The following FAM107B variants were observed in gnomAD, a reference collection of about 807,000 sequenced individuals.
The protein encoded by FAM107B is protein FAM107B.
Under a neutral mutation model 31.5 loss-of-function variants are expected in FAM107B, and 21 were observed. The ratio of observed to expected loss-of-function variants is 0.67; its 90% confidence interval spans 0.47 to 0.96. The LOEUF (loss-of-function observed/expected upper bound fraction) is 0.96, where lower values mean the gene tolerates loss of function less well. Ranked by LOEUF, FAM107B falls within the 40% of genes least tolerant of loss-of-function variation. The pLI, the probability that FAM107B is intolerant of heterozygous loss-of-function variation, is 0.00. For missense variants in FAM107B, 452 were observed against 377.1 expected (o/e 1.20, Z -1.64); for synonymous variants, 157 against 141.5 (o/e 1.11, Z -0.78).
intron 1 of FAM107B, chr10:14,723,649 T>C (rs905115705): frequency 2.7e-6 from 2 of 733,596 alleles, no homozygotes; most frequent in African/African-American, 3.4e-5. Flanking sequence ...ATAGGATTAC[T>C]CTGCGAGAGG....
chr10:14,770,384 G>A (rs991270566), intron 1 of FAM107B, among the ~76,000 whole-genome samples: 7 of 152,158 alleles, frequency 4.6e-5, no homozygotes, highest in South Asian at 2.1e-4. Context: ...TTAGCCAGGC[G>A]TGGTGGCTGG....
chr10:14,637,964 C>T (rs1853545476), intron 2 of FAM107B, among the ~76,000 whole-genome samples: 1 of 152,168 alleles, frequency 6.6e-6, no homozygotes, highest in South Asian at 2.1e-4. Flanking sequence ...GACAACCTAG[C>T]CACGCCATGC....
chr10:14,750,741 G>A (rs12242339), intron 1 of FAM107B, among the ~76,000 whole-genome samples: 5,480 of 152,272 alleles, frequency 0.036, 341 homozygotes, highest in African/African-American at 0.12. Context: ...GAGCCTAGGA[G>A]TTTGAGACCA....
rs1442653536 is a variant in FAM107B, at chr10:14,518,866, T to C, written c.*2324A>G. 3 of 152,618 alleles carry C rather than the reference T, an allele frequency of 2.0e-5. No individual in the cohort carries two copies. The highest frequency in any genetic ancestry group is 3.9e-4 in the East Asian group (2 of 5,194). 9.5% of individuals were successfully genotyped at this position (152,618 alleles called of 1,614,324 possible). ...CGCTGTGGAAAAATGGAGCCATTTT[T>C]GTCAAAAAGTGGCTCAAAGCACAAA... On this transcript the variant is annotated 3_prime_UTR_variant, in exon 5 of 5. Transcript: ENST00000181796.
At chr10:14,743,549 T>C (rs766781079) in intron 1 of FAM107B, among the ~76,000 whole-genome samples, 8 of 152,202 alleles carry the variant, frequency 5.3e-5, no homozygotes, top group Non-Finnish European at 1.2e-4. Flanking sequence ...AGGAAGGGGA[T>C]CCAGTTTCAA....
intron 1 of FAM107B, among the ~76,000 whole-genome samples, chr10:14,773,202 AG>A (rs1177663565): frequency 9.9e-5 from 15 of 152,252 alleles, no homozygotes; most frequent in African/African-American, 3.4e-4. Context: ...CCCAAGCTTC[AG>A]TCATTTCATA....
rs374746408 is a variant in FAM107B at position 14,642,547 on chromosome 10, C to T, written c.469+25087G>A. ...ATGTCTCTATCCCCTTCGGTTCAAA[C>T]TGGCAGTGTTTCTGCTCATATAACC... On this transcript the variant is annotated intron_variant, in intron 2 of 4. Transcript: ENST00000181796. Among the ~76,000 whole-genome samples the T allele has an allele frequency of 5.3e-5, 8 of 152,212 alleles. No homozygotes were observed. The East Asian group carries it at 5.8e-4, about 11-fold the overall frequency.
intron 1 of FAM107B, among the ~76,000 whole-genome samples, chr10:14,716,028 T>C (rs909412277): frequency 2.0e-5 from 3 of 152,196 alleles, no homozygotes; most frequent in Non-Finnish European, 2.9e-5. Context: ...GAAATAGATA[T>C]ATAGAATATA....
At chr10:14,629,461 A>ATATTTAATATATATAACATATAT (rs1853288019) in intron 2 of FAM107B, among the ~76,000 whole-genome samples, 1 of 67,454 alleles carries the variant, frequency 1.5e-5, no homozygotes, top group African/African-American at 6.1e-5. Flanking sequence ...TATATATTAT[A>ATATTTAATATATATAACATATAT]TATATATTTA....
At chr10:14,743,410 A>G (rs922384922) in intron 1 of FAM107B, among the ~76,000 whole-genome samples, 2 of 152,010 alleles carry the variant, frequency 1.3e-5, no homozygotes, top group Non-Finnish European at 2.9e-5. Flanking sequence ...TGATGTTTTC[A>G]TCATGAAATC....
At chr10:14,723,608 T>C in intron 1 of FAM107B, 1 of 691,262 alleles carries the variant, frequency 1.4e-6, no homozygotes, top group South Asian at 1.5e-5. Context: ...GGGGAATCTG[T>C]GTGACACAGA....
chr10:14,594,763 A>G (rs1852132571), intron 2 of FAM107B, among the ~76,000 whole-genome samples: 1 of 152,162 alleles, frequency 6.6e-6, no homozygotes, highest in African/African-American at 2.4e-5. Context: ...TGGTGCCTCT[A>G]CAACTGATTT....
chr10:14,685,417 T>A (rs1484089167), intron 1 of FAM107B, among the ~76,000 whole-genome samples: 3 of 152,086 alleles, frequency 2.0e-5, no homozygotes, highest in African/African-American at 4.8e-5. Context: ...CCTCCAAAAG[T>A]GCTAGGATTA....
chr10:14,767,055 T>TATATATATATATATATATATAGAGAG (rs1440609298), intron 1 of FAM107B, among the ~76,000 whole-genome samples: 2 of 18,280 alleles, frequency 1.1e-4, no homozygotes, highest in Non-Finnish European at 2.2e-4. Flanking sequence ...TATATATATA[T>TATATATATATATATATATATAGAGAG]AGAGAGAGAG....
intron 2 of FAM107B, among the ~76,000 whole-genome samples, chr10:14,648,943 T>C (rs1043099848): frequency 7.2e-5 from 11 of 152,134 alleles, no homozygotes; most frequent in African/African-American, 2.7e-4. Flanking sequence ...CAAACGAGGA[T>C]GAGGTTTGTC....
chr10:14,649,845 GT>G (rs1218805201), intron 2 of FAM107B, among the ~76,000 whole-genome samples: 1 of 152,300 alleles, frequency 6.6e-6, no homozygotes, highest in Non-Finnish European at 1.5e-5. Flanking sequence ...TTTTTATAGA[GT>G]TTGACTCTTT....
chr10:14,708,479 G>T (rs1855569310), intron 1 of FAM107B, among the ~76,000 whole-genome samples: 1 of 152,078 alleles, frequency 6.6e-6, no homozygotes, highest in South Asian at 2.1e-4. Context: ...ACATGACAGG[G>T]TATTTCCTAC....
intron 2 of FAM107B, among the ~76,000 whole-genome samples, chr10:14,626,818 A>G (rs1588667214): frequency 6.6e-6 from 1 of 152,272 alleles, no homozygotes; most frequent in East Asian, 1.9e-4. Context: ...GACTCCGTGT[A>G]TCTCAGCAAA....
At chr10:14,769,875 T>G (rs895702122) in intron 1 of FAM107B, among the ~76,000 whole-genome samples, 1 of 152,216 alleles carries the variant, frequency 6.6e-6, no homozygotes, top group East Asian at 1.9e-4. Flanking sequence ...GAACTCTCCC[T>G]TTCTCACACT....
Sources: allele counts gnomAD v4.1 joint callset (sites outside exome capture counted in the v4.1 genomes callset), GRCh38; gene constraint gnomAD v4.1.1; transcripts MANE v1.5; gene names NCBI Gene and HGNC (gene_info 2026-07-23, HGNC 2026-07-21).